The following SRGAP3 variants were observed in gnomAD, a reference collection of about 807,000 sequenced individuals.
The protein encoded by SRGAP3 is SLIT-ROBO Rho GTPase activating protein 3, also known as SLIT-ROBO Rho GTPase-activating protein 3.
Under a neutral mutation model 121.1 loss-of-function variants are expected in SRGAP3, and 39 were observed. That is an observed-to-expected ratio of 0.32 (90% CI 0.25 to 0.42). The LOEUF is 0.42. Ranked by LOEUF, SRGAP3 falls within the 10% of genes least tolerant of loss-of-function variation. The pLI is 1.00. For synonymous variants in SRGAP3, 601 were observed against 570.0 expected, an observed-to-expected ratio of 1.05 and a Z score of -0.77; for missense variants, 1,213 against 1,470.6, an observed-to-expected ratio of 0.82 and a Z score of 2.86.
intron 1 of SRGAP3, among the ~76,000 whole-genome samples, chr3:9,132,131 C>T (rs1435857146): frequency 6.6e-6 from 1 of 152,060 alleles, no homozygotes; most frequent in Admixed American, 6.5e-5. Flanking sequence ...TTTAGGTTTA[C>T]CAAAAAATTG....
intron 1 of SRGAP3, among the ~76,000 whole-genome samples, chr3:9,131,741 C>T (rs4684624): frequency 0.015 from 2,243 of 152,194 alleles, 58 homozygotes; most frequent in Admixed American, 0.071. Flanking sequence ...TGCACCCGGC[C>T]GTAAGAACTA....
chr3:9,074,316 T>C (rs1946857434), intron 4 of SRGAP3, among the ~76,000 whole-genome samples: 1 of 152,156 alleles, frequency 6.6e-6, no homozygotes, highest in South Asian at 2.1e-4. Flanking sequence ...GGCTATACTC[T>C]ATGACAATCA....
At chr3:9,317,477 G>A (rs1053934609) in intron 3 of SRGAP3, among the ~76,000 whole-genome samples, 4 of 152,286 alleles carry the variant, frequency 2.6e-5, no homozygotes, top group South Asian at 4.1e-4. Context: ...CAATGAAACT[G>A]GGATAGCTAT....
At chr3:9,036,680 G>GA (rs1264615685) in intron 11 of SRGAP3, 1 of 152,210 alleles carries the variant, frequency 6.6e-6, no homozygotes, top group African/African-American at 2.4e-5. Context: ...CACTCTGCTG[G>GA]AACAAACTTC....
chr3:9,294,695 C>CGTGTGTGTGTGTGTGTGTGTGTGT (rs753452580), intron 3 of SRGAP3, among the ~76,000 whole-genome samples: 5 of 119,818 alleles, frequency 4.2e-5, no homozygotes, highest in African/African-American at 9.3e-5. Flanking sequence ...TTGAAGCTTT[C>CGTGTGTGTGTGTGTGTGTGTGTGT]GTGTGTGTGT....
At chr3:9,355,532 G>C (rs2030448295) in intron 1 of SRGAP3, among the ~76,000 whole-genome samples, 3 of 152,136 alleles carry the variant, frequency 2.0e-5, no homozygotes. Context: ...CCTTCTGCCT[G>C]GGATGCTCCC....
intron 3 of SRGAP3, among the ~76,000 whole-genome samples, chr3:9,282,246 A>G (rs2125265820): frequency 6.6e-6 from 1 of 152,336 alleles, no homozygotes; most frequent in South Asian, 2.1e-4. Flanking sequence ...TAAAAATTAA[A>G]ACTAAGACTT....
intron 1 of SRGAP3, chr3:9,194,453 A>G (rs1041153038): frequency 6.6e-6 from 1 of 152,222 alleles, no homozygotes; most frequent in Non-Finnish European, 1.5e-5. Context: ...ATCTATTTTT[A>G]CGATTGAGTC....
Position 9,060,239 on chromosome 3 carries a change from G to C in SRGAP3, c.793C>G (p.Leu265Val). The change falls in exon 6 of 22, where the codon CTG (leucine) becomes GTG (valine). Residue 265 changes from leucine to valine, a missense_variant. Leu to Val is a conservative substitution (Grantham distance 32). This residue lies in a region of SRGAP3 where 793 missense variants were observed against 1,032.9 expected (regional missense o/e 0.77). Coordinates refer to ENST00000383836, the MANE Select transcript of SRGAP3 (RefSeq NM_014850.4). ...CTCCCCAGGGAGCTCACATCGATCAGATCAGAGACATCATGGATGTAGTAT... is the reference window on the plus strand; with the variant it reads ...CTCCCCAGGGAGCTCACATCGATCACATCAGAGACATCATGGATGTAGTAT... ...SKYYIHDVSD[L>V]IDCCDLGFHA... The C allele has an allele frequency of 6.2e-7, 1 of 1,614,056 alleles. No individual in the cohort carries two copies. Among genetic ancestry groups the C allele is most frequent in the South Asian group, 1.1e-5 (1 of 91,078 alleles).
At chr3:8,988,686 C>A (rs182637667) in intron 21 of SRGAP3, among the ~76,000 whole-genome samples, 4 of 152,272 alleles carry the variant, frequency 2.6e-5, no homozygotes, top group African/African-American at 9.6e-5. Context: ...CAGTCCCCAA[C>A]CTTTTTGGCA....
intron 21 of SRGAP3, among the ~76,000 whole-genome samples, chr3:8,988,506 G>C (rs1457206094): frequency 6.6e-6 from 1 of 152,182 alleles, no homozygotes; most frequent in Non-Finnish European, 1.5e-5. Context: ...TGTCAAACTA[G>C]ACAGGGTGCA....
intron 1 of SRGAP3, 38 bp downstream of exon 1, chr3:9,248,847 G>A: frequency 6.2e-7 from 1 of 1,605,390 alleles, no homozygotes; most frequent in Non-Finnish European, 8.5e-7. Context: ...AAAAACGAAA[G>A]GGGAGGAGAA....
chr3:9,140,054 G>A (rs1004828321), intron 1 of SRGAP3, among the ~76,000 whole-genome samples: 13 of 151,908 alleles, frequency 8.6e-5, no homozygotes, highest in African/African-American at 4.8e-5. Flanking sequence ...GCAATGGTAC[G>A]GCATGCTTAA....
At chr3:9,095,504 T>G (rs917294933) in intron 3 of SRGAP3, among the ~76,000 whole-genome samples, 1 of 152,194 alleles carries the variant, frequency 6.6e-6, no homozygotes, top group Non-Finnish European at 1.5e-5. Flanking sequence ...GGAAAGTATA[T>G]GTTTATGTAT....
intron 3 of SRGAP3, among the ~76,000 whole-genome samples, chr3:9,283,383 A>G (rs1244070707): frequency 6.6e-6 from 1 of 152,230 alleles, no homozygotes; most frequent in African/African-American, 2.4e-5. Flanking sequence ...AACATCATGC[A>G]TTGGATGATA....
intron 2 of SRGAP3, among the ~76,000 whole-genome samples, chr3:9,123,405 T>TATATATAC (rs1949095774): frequency 1.1e-3 from 2 of 1,748 alleles, no homozygotes; most frequent in African/African-American, 1.9e-3. Flanking sequence ...ACAATACACA[T>TATATATAC]ACATACACAT....
At chr3:9,018,096 C>T (rs1943729172) in intron 14 of SRGAP3, among the ~76,000 whole-genome samples, 1 of 152,232 alleles carries the variant, frequency 6.6e-6, no homozygotes, top group Non-Finnish European at 1.5e-5. Context: ...GGAGTGAGAA[C>T]ATTCAGAAAT....
chr3:9,246,201 C>A (rs1402856445), intron 1 of SRGAP3, among the ~76,000 whole-genome samples: 4 of 152,148 alleles, frequency 2.6e-5, no homozygotes, highest in Non-Finnish European at 5.9e-5. Flanking sequence ...ACAAAGAACT[C>A]AGCACTGTTT....
At chr3:9,041,096 G>A (rs2174965) in intron 10 of SRGAP3, among the ~76,000 whole-genome samples, 50,853 of 152,168 alleles carry the variant, frequency 0.33, 8,653 homozygotes, top group East Asian at 0.5. Context: ...CAGATTACAC[G>A]ATAGTGTAAT....
Sources: allele counts gnomAD v4.1 joint callset (sites outside exome capture counted in the v4.1 genomes callset), GRCh38; gene constraint gnomAD v4.1.1; regional missense constraint gnomAD v4.1.1; transcripts MANE v1.5; gene names NCBI Gene and HGNC (gene_info 2026-07-23, HGNC 2026-07-21).